The following RAB3GAP1 variants were observed in gnomAD, a reference collection of about 807,000 sequenced individuals.
RAB3GAP1 encodes the protein RAB3 GTPase activating protein catalytic subunit 1.
Under a neutral mutation model 130.7 loss-of-function variants are expected in RAB3GAP1, and 86 were observed. That is an observed-to-expected ratio of 0.66 (90% confidence interval 0.55 to 0.79). RAB3GAP1 has a LOEUF of 0.79. Among genes scored for constraint, RAB3GAP1 ranks in the 30% least tolerant of loss-of-function variants. The probability of loss-of-function intolerance (pLI) is 0.00; values close to 1 mark genes in which losing one functional copy is unlikely to be tolerated. For synonymous variants in RAB3GAP1, 367 were observed against 401.7 expected, an observed-to-expected ratio of 0.91 and a Z score of 1.03; for missense variants, 1,029 against 1,169.4, an observed-to-expected ratio of 0.88 and a Z score of 1.75.
intron 3 of RAB3GAP1, among the ~76,000 whole-genome samples, chr2:135,084,409 T>C (rs557507818): frequency 4.7e-4 from 71 of 152,350 alleles, no homozygotes; most frequent in Non-Finnish European, 8.8e-4. Context: ...CCTTTTACTT[T>C]CTTGATGGTA....
chr2:135,113,178 T>C lies in RAB3GAP1; in HGVS notation c.390T>C (p.Ile130=), dbSNP rs1389207639. The change falls in exon 6 of 24, where the codon ATT becomes ATC. Residue 130 remains isoleucine, a synonymous_variant. Transcript: ENST00000264158. ...RWYGLREFVV[I]APAAHSDAVL... ...ATGGGCTACGTGAGTTCGTGGTGAT[T>C]GCCCCTGCTGCACACAGTGACGCTG... is the stretch of plus-strand genomic sequence containing the variant. 6.2e-7 allele frequency: 1 copy of C among 1,614,212 alleles called. No homozygotes were observed. Among genetic ancestry groups the C allele is most frequent in the East Asian group, 2.2e-5 (1 of 44,884 alleles).
At chr2:135,137,240 G>T in intron 17 of RAB3GAP1, 1 of 422,488 alleles carries the variant, frequency 2.4e-6, no homozygotes, top group Non-Finnish European at 4.7e-6. Flanking sequence ...CTTTTATCTT[G>T]AGAACATGAT....
At chr2:135,145,268 AAC>A (rs1242338254) in intron 17 of RAB3GAP1, among the ~76,000 whole-genome samples, 2 of 152,124 alleles carry the variant, frequency 1.3e-5, no homozygotes, top group Non-Finnish European at 2.9e-5. Context: ...GTTATTTTGC[AAC>A]ACACAATACA....
chr2:135,071,658 A>G (rs141215088), intron 3 of RAB3GAP1, among the ~76,000 whole-genome samples: 20 of 152,352 alleles, frequency 1.3e-4, no homozygotes, highest in African/African-American at 4.8e-4. Context: ...GCCTAAATGC[A>G]GGATGAGGTT....
At chr2:135,154,901 A>G (rs1692268552) in intron 19 of RAB3GAP1, among the ~76,000 whole-genome samples, 4 of 152,220 alleles carry the variant, frequency 2.6e-5, no homozygotes, top group Non-Finnish European at 4.4e-5. Flanking sequence ...TATCCATTAA[A>G]GAAACTTCAG....
At chr2:135,105,946 C>G (rs537487084) in intron 5 of RAB3GAP1, among the ~76,000 whole-genome samples, 1 of 151,782 alleles carries the variant, frequency 6.6e-6, no homozygotes, top group African/African-American at 2.4e-5. Flanking sequence ...TGAGGAGCCC[C>G]TCCGCTCGGC....
chr2:135,103,025 C>A (rs1193372438), intron 5 of RAB3GAP1, among the ~76,000 whole-genome samples: 1 of 107,504 alleles, frequency 9.3e-6, no homozygotes, highest in African/African-American at 5.3e-5. Context: ...AAAAAAAAAT[C>A]ATTTTTGTGA....
chr2:135,073,751 A>G (rs1359655159), intron 3 of RAB3GAP1, among the ~76,000 whole-genome samples: 1 of 152,214 alleles, frequency 6.6e-6, no homozygotes, highest in Non-Finnish European at 1.5e-5. Flanking sequence ...TTTCTTGCAT[A>G]GCAGCCATGC....
chr2:135,060,241 AAACTT>A (rs1416435348), intron 3 of RAB3GAP1, among the ~76,000 whole-genome samples: 2 of 150,436 alleles, frequency 1.3e-5, no homozygotes, highest in Non-Finnish European at 2.9e-5. Flanking sequence ...GTAATGGACA[AAACTT>A]AACTGCTTGA....
intron 7 of RAB3GAP1, among the ~76,000 whole-genome samples, chr2:135,117,597 G>GCTGCTTCTTCTGCTT (rs1691039791): frequency 5.6e-5 from 1 of 17,748 alleles, no homozygotes; most frequent in African/African-American, 1.9e-4. Context: ...TTCTTCTGCT[G>GCTGCTTCTTCTGCTT]CTTCTTCTGC....
chr2:135,088,773 A>G (rs969175020), intron 3 of RAB3GAP1, among the ~76,000 whole-genome samples: 11 of 151,626 alleles, frequency 7.3e-5, no homozygotes, highest in African/African-American at 2.7e-4. Flanking sequence ...TTTCTTGTAA[A>G]TTTGTTTAAG....
chr2:135,073,061 A>G (rs1689523435), intron 3 of RAB3GAP1, among the ~76,000 whole-genome samples: 1 of 152,238 alleles, frequency 6.6e-6, no homozygotes, highest in South Asian at 2.1e-4. Flanking sequence ...TATTAGAGGG[A>G]AAGATGAATT....
chr2:135,055,659 C>CA (rs1450541592), intron 2 of RAB3GAP1, among the ~76,000 whole-genome samples: 3 of 136,134 alleles, frequency 2.2e-5, no homozygotes, highest in Non-Finnish European at 4.6e-5. Flanking sequence ...GCCTGGGTGA[C>CA]AGAGTTGAGA....
chr2:135,140,024 T>C (rs1049500480), intron 17 of RAB3GAP1, among the ~76,000 whole-genome samples: 1 of 152,236 alleles, frequency 6.6e-6, no homozygotes, highest in African/African-American at 2.4e-5. Flanking sequence ...TTATATACCA[T>C]TGAGCTTTTT....
At chr2:135,132,339 A>G (rs1386489639) in intron 13 of RAB3GAP1, among the ~76,000 whole-genome samples, 1 of 152,162 alleles carries the variant, frequency 6.6e-6, no homozygotes, top group Non-Finnish European at 1.5e-5. Flanking sequence ...CCACTCGTAC[A>G]TGTACATATA....
At chr2:135,104,544 A>T (rs543649948) in intron 5 of RAB3GAP1, among the ~76,000 whole-genome samples, 1 of 152,214 alleles carries the variant, frequency 6.6e-6, no homozygotes, top group African/African-American at 2.4e-5. Flanking sequence ...CTCAATAAAT[A>T]GAAACTGTAA....
Position 135,124,209 on chromosome 2 carries a change from G to C in RAB3GAP1, c.793G>C (p.Gly265Arg). The C allele has an allele frequency of 6.2e-7, 1 of 1,614,100 alleles. No individual in the cohort carries two copies. The highest frequency in any genetic ancestry group is 8.5e-7 in the Non-Finnish European group (1 of 1,179,988). ...AGGAGAAGTTGGAGGCTTGGAGTTT[G>C]GCAAGTTACCATTTGGTGCCTGCGA... is the stretch of plus-strand genomic sequence containing the variant. ...VGGEVGGLEF[G>R]KLPFGACEDP... The change falls in exon 9 of 24, where the codon GGC (glycine) becomes CGC (arginine). Residue 265 changes from glycine (G) to arginine (R), a missense_variant. Gly to Arg is a moderately radical substitution (Grantham distance 125). Coordinates refer to ENST00000264158, the MANE Select transcript of RAB3GAP1 (RefSeq NM_012233.3).
At chr2:135,124,037 A>G in intron 8 of RAB3GAP1, 128 bp from the exon 9 acceptor site, 1 of 842,550 alleles carries the variant, frequency 1.2e-6, no homozygotes, top group Non-Finnish European at 1.9e-6. Flanking sequence ...AAGTTGGTCT[A>G]ACTTGCTAAC....
intron 18 of RAB3GAP1, among the ~76,000 whole-genome samples, chr2:135,151,865 G>A (rs981231050): frequency 5.3e-5 from 8 of 152,180 alleles, no homozygotes; most frequent in African/African-American, 1.4e-4. Flanking sequence ...AGGCATGCAC[G>A]GGAGGACATT....
Sources: allele counts gnomAD v4.1 joint callset (sites outside exome capture counted in the v4.1 genomes callset), GRCh38; gene constraint gnomAD v4.1.1; transcripts MANE v1.5; gene names NCBI Gene and HGNC (gene_info 2026-07-23, HGNC 2026-07-21).